Variants in RHOBTB1 observed in about 807,000 individuals in gnomAD.
RHOBTB1 encodes Rho related BTB domain containing 1.
A neutral mutation model predicts 71.6 loss-of-function variants in RHOBTB1; 40 were observed. That is an observed-to-expected ratio of 0.56 (90% CI 0.43 to 0.73). The LOEUF (loss-of-function observed/expected upper bound fraction) is 0.73. Ranked by LOEUF, RHOBTB1 falls within the 30% of genes least tolerant of loss-of-function variation. The pLI is 0.00. For synonymous variants in RHOBTB1, 319 were observed against 334.9 expected, an observed-to-expected ratio of 0.95 and a Z score of 0.52; for missense variants, 797 against 894.0, an observed-to-expected ratio of 0.89 and a Z score of 1.38.
chr10:60,876,808 T>C (rs2081073881), intron 8 of RHOBTB1, among the ~76,000 whole-genome samples: 1 of 152,184 alleles, frequency 6.6e-6, no homozygotes. Flanking sequence ...CTCCAGGTGG[T>C]TGTGTGTAGT....
chr10:60,938,170 A>G (rs1009518755), intron 2 of RHOBTB1, among the ~76,000 whole-genome samples: 14 of 152,250 alleles, frequency 9.2e-5, no homozygotes, highest in African/African-American at 2.2e-4. Context: ...ACCACTGAAG[A>G]TAAGTGAGGT....
intron 2 of RHOBTB1, among the ~76,000 whole-genome samples, chr10:60,976,843 C>T (rs1318717231): frequency 6.6e-6 from 1 of 151,904 alleles, no homozygotes; most frequent in Non-Finnish European, 1.5e-5. Context: ...GAGAGAATTT[C>T]TGGATTCAGA....
chr10:60,952,083 C>T (rs1488969493), intron 2 of RHOBTB1, among the ~76,000 whole-genome samples: 2 of 136,102 alleles, frequency 1.5e-5, no homozygotes, highest in African/African-American at 2.8e-5. Flanking sequence ...CAAAAAAGAA[C>T]GGTACATGAT....
intron 2 of RHOBTB1, among the ~76,000 whole-genome samples, chr10:60,926,844 A>T (rs895195088): frequency 6.6e-6 from 1 of 152,180 alleles, no homozygotes; most frequent in Non-Finnish European, 1.5e-5. Context: ...CACTTTTACC[A>T]CTTTTATTCA....
intron 2 of RHOBTB1, among the ~76,000 whole-genome samples, chr10:60,985,025 T>C (rs1457598400): frequency 1.3e-5 from 2 of 152,340 alleles, no homozygotes; most frequent in East Asian, 3.9e-4. Context: ...AAAGCCACAT[T>C]TGTTTAAGAG....
chr10:60,910,516 T>C (rs775824921), intron 4 of RHOBTB1, among the ~76,000 whole-genome samples: 3 of 152,216 alleles, frequency 2.0e-5, no homozygotes, highest in Non-Finnish European at 4.4e-5. Flanking sequence ...ACAGTCTTTC[T>C]GAAGTAGGGT....
At chr10:60,907,911 C>T (rs1173142542) in intron 4 of RHOBTB1, among the ~76,000 whole-genome samples, 2 of 152,056 alleles carry the variant, frequency 1.3e-5, no homozygotes, top group Non-Finnish European at 2.9e-5. Context: ...AGAACTCAAC[C>T]TTTTACTCAA....
chr10:60,891,616 G>A (rs560867896), intron 5 of RHOBTB1, among the ~76,000 whole-genome samples: 5 of 151,910 alleles, frequency 3.3e-5, no homozygotes, highest in African/African-American at 1.2e-4. Context: ...CTGAAATGTT[G>A]GGTTTACAGG....
chr10:60,958,696 G>A (rs914546406), intron 2 of RHOBTB1, among the ~76,000 whole-genome samples: 3 of 152,126 alleles, frequency 2.0e-5, no homozygotes. Context: ...GACTGCCTAG[G>A]AAGAGGTGAT....
intron 2 of RHOBTB1, among the ~76,000 whole-genome samples, chr10:60,923,722 G>A (rs554827851): frequency 1.2e-4 from 18 of 152,140 alleles, no homozygotes; most frequent in African/African-American, 4.1e-4. Context: ...TGAATCATGG[G>A]GGTGGTTTAC....
intron 2 of RHOBTB1, among the ~76,000 whole-genome samples, chr10:60,970,275 T>C (rs1212314211): frequency 6.6e-6 from 1 of 152,058 alleles, no homozygotes; most frequent in Admixed American, 6.6e-5. Flanking sequence ...TAATTTTGAG[T>C]ACAGTGGGGC....
downstream of RHOBTB1, among the ~76,000 whole-genome samples, chr10:60,865,203 G>A (rs2080631412): frequency 6.6e-6 from 1 of 152,122 alleles, no homozygotes; most frequent in African/African-American, 2.4e-5. Flanking sequence ...AATTTATCCA[G>A]GACTTCTGAG....
chr10:60,991,793 C>G (rs2086880557), intron 1 of RHOBTB1, among the ~76,000 whole-genome samples: 2 of 152,106 alleles, frequency 1.3e-5, no homozygotes, highest in African/African-American at 4.8e-5. Flanking sequence ...ATGTAGCATG[C>G]CTTCTGTGTG....
chr10:60,930,592 C>A (rs1344084677), intron 2 of RHOBTB1, among the ~76,000 whole-genome samples: 5 of 152,182 alleles, frequency 3.3e-5, no homozygotes, highest in Non-Finnish European at 1.5e-5. Flanking sequence ...AGTGACATAG[C>A]AGAAAGAAAC....
At chr10:60,915,533 T>G (rs1183672583) in intron 2 of RHOBTB1, among the ~76,000 whole-genome samples, 1 of 152,214 alleles carries the variant, frequency 6.6e-6, no homozygotes, top group African/African-American at 2.4e-5. Context: ...ACTTGAACGT[T>G]ATTTCATATT....
At chr10:60,937,976 G>T (rs145091591) in intron 2 of RHOBTB1, among the ~76,000 whole-genome samples, 136 of 152,262 alleles carry the variant, frequency 8.9e-4, no homozygotes, top group African/African-American at 3.1e-3. Flanking sequence ...CCATTTTACA[G>T]TTGAGGAAAG....
At chr10:61,001,394 G>T (rs1226169503) in intron 1 of RHOBTB1, 1 of 151,344 alleles carries the variant, frequency 6.6e-6, no homozygotes, top group Non-Finnish European at 1.5e-5. Flanking sequence ...CGACGCCCGC[G>T]CTACCTGGGG....
At chr10:60,871,938 G>A in intron 10 of RHOBTB1, 1 of 610,056 alleles carries the variant, frequency 1.6e-6, no homozygotes, top group Non-Finnish European at 2.9e-6. Context: ...CACCACCTCT[G>A]CACTCTCTGC....
At chr10:60,985,164 A>G (rs2086620420) in intron 2 of RHOBTB1, among the ~76,000 whole-genome samples, 1 of 152,254 alleles carries the variant, frequency 6.6e-6, no homozygotes, top group African/African-American at 2.4e-5. Context: ...ATTAGAACAT[A>G]TAAACATATG....
Sources: gnomAD v4.1 joint callset for allele counts (sites outside exome capture counted in the v4.1 genomes callset) on GRCh38, gnomAD v4.1.1 for gene constraint, MANE v1.5 for transcripts, NCBI Gene and HGNC (gene_info 2026-07-23, HGNC 2026-07-21) for gene names.